The following LRRC8B variants were observed in gnomAD, a reference collection of about 807,000 sequenced individuals.
The protein encoded by LRRC8B is volume-regulated anion channel subunit LRRC8B.
In LRRC8B, 23 loss-of-function variants were observed where a neutral mutation model predicts 58.8. That is an observed-to-expected ratio of 0.39 (90% CI 0.28 to 0.55). The LOEUF (loss-of-function observed/expected upper bound fraction) is 0.55. Ranked by LOEUF, LRRC8B falls within the 20% of genes least tolerant of loss-of-function variation. The pLI, the probability that LRRC8B is intolerant of heterozygous loss-of-function variation, is 0.62. For missense variants in LRRC8B, 694 were observed against 936.0 expected (o/e 0.74, Z 3.37); for synonymous variants, 359 against 374.1 (o/e 0.96, Z 0.47).
chr1:89,540,571 A>T (rs538225847), intron 1 of LRRC8B, among the ~76,000 whole-genome samples: 2 of 152,322 alleles, frequency 1.3e-5, no homozygotes, highest in African/African-American at 4.8e-5. Flanking sequence ...TTGGAGTGGG[A>T]GTTGGAACAG....
At chr1:89,530,759 T>C (rs985655689) in intron 1 of LRRC8B, among the ~76,000 whole-genome samples, 5 of 152,112 alleles carry the variant, frequency 3.3e-5, no homozygotes, top group Admixed American at 1.3e-4. Flanking sequence ...TCAAAGCGGG[T>C]GGACAACCCC....
chr1:89,578,324 T>C (rs1488179204), intron 3 of LRRC8B, among the ~76,000 whole-genome samples: 2 of 152,188 alleles, frequency 1.3e-5, no homozygotes, highest in Non-Finnish European at 2.9e-5. Context: ...TGGAAGAATA[T>C]GTAAAATGTT....
chr1:89,593,358 C>A lies in LRRC8B; in HGVS notation c.*315C>A. ...TGCCACTGTACACCAGCCTGGGTGA[C>A]AGAGCAAGACTCTTATCTCAAAAAA... is the stretch of plus-strand genomic sequence containing the variant. On this transcript the variant is annotated 3_prime_UTR_variant, in exon 6 of 6. Coordinates refer to ENST00000330947, the MANE Select transcript of LRRC8B (RefSeq NM_001369817.2). 5.3e-6 allele frequency: 1 copy of A among 187,984 alleles called. No individual in the cohort carries two copies. The highest frequency in any genetic ancestry group is 1.1e-5 in the Non-Finnish European group (1 of 94,632). 11.6% of individuals were successfully genotyped at this position (187,984 alleles called of 1,614,324 possible).
At chr1:89,528,576 T>A (rs1649874278) in intron 1 of LRRC8B, among the ~76,000 whole-genome samples, 1 of 152,242 alleles carries the variant, frequency 6.6e-6, no homozygotes, top group South Asian at 2.1e-4. Context: ...TAAAATTAGT[T>A]GCCAGCTACA....
rs958601752 is a variant in LRRC8B, at chr1:89,549,662, G to A, written c.-240-18585G>A. ...CGGATTTGCATATGTGGGTGTTTTCGAACATATAAACTTTTAATGAATTCA... is the reference window on the plus strand; with the variant it reads ...CGGATTTGCATATGTGGGTGTTTTCAAACATATAAACTTTTAATGAATTCA... On this transcript the variant is annotated intron_variant, in intron 1 of 5. Transcript: ENST00000330947. Among the ~76,000 whole-genome samples, 5 of 152,032 alleles carry A rather than the reference G, an allele frequency of 3.3e-5. No individual in the cohort carries two copies. The South Asian group carries it at 8.3e-4, about 25-fold the overall frequency.
At chr1:89,570,433 T>G (rs546763381) in intron 3 of LRRC8B, among the ~76,000 whole-genome samples, 1 of 152,336 alleles carries the variant, frequency 6.6e-6, no homozygotes, top group Admixed American at 6.5e-5. Flanking sequence ...AGATGGTGTC[T>G]CATTGTGGTT....
chr1:89,536,067 A>G (rs1570558754), intron 1 of LRRC8B, among the ~76,000 whole-genome samples: 2 of 152,264 alleles, frequency 1.3e-5, no homozygotes, highest in South Asian at 4.1e-4. Flanking sequence ...TCTTGCCTTC[A>G]TATAGCAAAA....
In LRRC8B at chr1:89,584,845, C is replaced by T; in HGVS notation, c.2139+56C>T. ...TATCTGCCGTACTTATAGTGCATTA[C>T]ATAGGGAAAGAAAACACACTTCAAA... On this transcript the variant is annotated intron_variant, in intron 5 of 5. Coordinates refer to ENST00000330947, the MANE Select transcript of LRRC8B (RefSeq NM_001369817.2). The T allele has an allele frequency of 7.3e-6, 9 of 1,230,886 alleles. No homozygotes were observed. In the South Asian group the frequency reaches 1.2e-4, roughly 16 times the overall value. The allele number at this position is 1,230,886 out of a possible 1,614,324, so 76.2% of individuals were successfully genotyped here.
chr1:89,592,668 C>T, intron 5 of LRRC8B, 103 bp from the exon 6 acceptor site: 1 of 1,009,574 alleles, frequency 9.9e-7, no homozygotes, highest in Non-Finnish European at 1.5e-6. Flanking sequence ...ACTTATAAAC[C>T]TCCAGAAATG....
chr1:89,589,865 A>G (rs990562087), intron 5 of LRRC8B, among the ~76,000 whole-genome samples: 2 of 151,998 alleles, frequency 1.3e-5, no homozygotes, highest in African/African-American at 4.8e-5. Flanking sequence ...TAACAATGTC[A>G]GCCATAGATG....
intron 3 of LRRC8B, among the ~76,000 whole-genome samples, chr1:89,570,563 G>T (rs562191641): frequency 6.6e-6 from 1 of 151,910 alleles, no homozygotes; most frequent in Admixed American, 6.5e-5. Flanking sequence ...TTTTTATGGG[G>T]TTGTTTTTTC....
At position 89,584,102 on chromosome 1, in the gene LRRC8B, T is replaced by C. The variant is rs1654449613; in HGVS notation, c.1452T>C (p.Phe484=). 9.9e-6 allele frequency: 16 copies of C among 1,613,944 alleles called. No homozygotes were observed. Among genetic ancestry groups the C allele is most frequent in the Non-Finnish European group, 1.4e-5 (16 of 1,180,012 alleles). ...TCGTAGACCATCCTGCACTGGCCTT[T>C]CTAGAGGAGAATTTAAAAATCCTCC... ...SLVVDHPALA[F]LEENLKILRL... The change falls in exon 5 of 6, where the codon TTT becomes TTC. Residue 484 remains phenylalanine (F), a synonymous_variant. Transcript: ENST00000330947.
chr1:89,550,377 G>C (rs1350986743), intron 1 of LRRC8B, among the ~76,000 whole-genome samples: 1 of 152,072 alleles, frequency 6.6e-6, no homozygotes, highest in Non-Finnish European at 1.5e-5. Context: ...TTTAAGATTT[G>C]ACGCTGACTG....
intron 1 of LRRC8B, among the ~76,000 whole-genome samples, chr1:89,562,578 G>A (rs1278464247): frequency 6.6e-6 from 1 of 151,940 alleles, no homozygotes; most frequent in Non-Finnish European, 1.5e-5. Flanking sequence ...AACTCAAGCA[G>A]TCCTGTCTCA....
At chr1:89,565,593 T>G (rs909534299) in intron 1 of LRRC8B, among the ~76,000 whole-genome samples, 15 of 152,236 alleles carry the variant, frequency 9.9e-5, no homozygotes, top group African/African-American at 3.6e-4. Flanking sequence ...TTGCCACCCT[T>G]CCATACCCAC....
chr1:89,578,705 TA>T (rs1483761862), intron 3 of LRRC8B, among the ~76,000 whole-genome samples: 1 of 151,680 alleles, frequency 6.6e-6, no homozygotes, highest in Non-Finnish European at 1.5e-5. Context: ...AAGTACTTTT[TA>T]AAAAGGATTG....
chr1:89,548,268 T>C (rs1288224866), intron 1 of LRRC8B, among the ~76,000 whole-genome samples: 1 of 152,222 alleles, frequency 6.6e-6, no homozygotes, highest in Non-Finnish European at 1.5e-5. Flanking sequence ...GAAGTTTTAA[T>C]TTCATTCTTA....
chr1:89,584,160 C>T lies in LRRC8B; in HGVS notation c.1510C>T (p.Arg504Cys), dbSNP rs963901047. Residue 504 changes from arginine to cysteine, a missense_variant, in exon 5 of 6, where the codon CGC becomes TGC. Around this residue, in one of 5 missense-constraint regions of LRRC8B, gnomAD observed 162 missense variants for 198.5 expected, o/e 0.82. Coordinates refer to ENST00000330947, the MANE Select transcript of LRRC8B (RefSeq NM_001369817.2). ...ATTTACTGAAATGGGAAAAATCCCA[C>T]GCTGGGTATTTCACCTCAAGAATCT... ...LKFTEMGKIPRWVFHLKNLKE... is the reference protein window; with the variant it reads ...LKFTEMGKIPCWVFHLKNLKE... The T allele has an allele frequency of 8.7e-6, 14 of 1,612,136 alleles. No homozygotes were observed. Among genetic ancestry groups the T allele is most frequent in the Non-Finnish European group, 9.3e-6 (11 of 1,180,016 alleles).
At chr1:89,558,968 C>T (rs1652396712) in intron 1 of LRRC8B, 3 of 152,212 alleles carry the variant, frequency 2.0e-5, no homozygotes, top group African/African-American at 7.2e-5. Context: ...AACATCCAAA[C>T]CATAGCAGTC....
Sources: allele counts gnomAD v4.1 joint callset (sites outside exome capture counted in the v4.1 genomes callset), GRCh38; gene constraint gnomAD v4.1.1; regional missense constraint gnomAD v4.1.1; transcripts MANE v1.5; gene names NCBI Gene and HGNC (gene_info 2026-07-23, HGNC 2026-07-21).